EPC1: variants seen among roughly 807,000 people sequenced by gnomAD.
The protein encoded by EPC1 is enhancer of polycomb 1.
Under a neutral mutation model 98.4 loss-of-function variants are expected in EPC1, and 12 were observed. The observed-to-expected ratio is 0.12, with a 90% confidence interval of 0.08 to 0.20. EPC1 has a LOEUF of 0.20. Among genes scored for constraint, EPC1 ranks in the 10% least tolerant of loss-of-function variants. The pLI, the probability that EPC1 is intolerant of heterozygous loss-of-function variation, is 1.00. For missense variants in EPC1, 729 were observed against 990.5 expected, an observed-to-expected ratio of 0.74 and a Z score of 3.54; for synonymous variants, 357 against 363.9, an observed-to-expected ratio of 0.98 and a Z score of 0.21.
intron 1 of EPC1, among the ~76,000 whole-genome samples, chr10:32,353,947 A>G (rs929793680): frequency 6.6e-6 from 1 of 152,336 alleles, no homozygotes; most frequent in African/African-American, 2.4e-5. Context: ...AGCCCTTTAT[A>G]GTATGTTGTT....
chr10:32,268,992 C>T lies in EPC1; in HGVS notation c.*71G>A. 2 of 1,295,862 alleles carry T rather than the reference C, an allele frequency of 1.5e-6. No individual in the cohort carries two copies. The highest frequency in any genetic ancestry group is 2.2e-6 in the Non-Finnish European group (2 of 899,832). The allele number at this position is 1,295,862 out of a possible 1,614,324, so 80.3% of individuals were successfully genotyped here. A position where few individuals can be genotyped will look rare whatever the true frequency, so the allele number is the denominator to read the frequency against. On this transcript the variant is annotated 3_prime_UTR_variant, in exon 14 of 14. Transcript: ENST00000319778. ...ACGCATGTGCTGCTTTCCATCATCC[C>T]TTGCATTCAAAATGCTACTGATGCA... is the stretch of plus-strand genomic sequence containing the variant.
chr10:32,347,913 T>C (rs1213018708), upstream of EPC1, among the ~76,000 whole-genome samples: 1 of 152,268 alleles, frequency 6.6e-6, no homozygotes, highest in African/African-American at 2.4e-5. Context: ...AAGTAGATTT[T>C]TTTAAATCCT....
At chr10:32,335,303 G>A (rs1400949864) in intron 1 of EPC1, among the ~76,000 whole-genome samples, 1 of 152,024 alleles carries the variant, frequency 6.6e-6, no homozygotes, top group African/African-American at 2.4e-5. Flanking sequence ...CTCCTAATCT[G>A]TCCCAATCTT....
intron 13 of EPC1, 80 bp from the exon 14 acceptor site, chr10:32,269,215 T>C: frequency 8.3e-7 from 1 of 1,207,626 alleles, no homozygotes; most frequent in Non-Finnish European, 1.2e-6. Flanking sequence ...CAACAAAAAG[T>C]TTATTTTTAT....
intron 1 of EPC1, among the ~76,000 whole-genome samples, chr10:32,314,798 T>C (rs190817075): frequency 3.0e-4 from 46 of 152,374 alleles, no homozygotes; most frequent in African/African-American, 1.1e-3. Context: ...TAGGTTTTGC[T>C]AATGTGTCAT....
intron 1 of EPC1, among the ~76,000 whole-genome samples, chr10:32,309,462 C>T (rs1836071413): frequency 6.7e-6 from 1 of 149,554 alleles, no homozygotes; most frequent in Non-Finnish European, 1.5e-5. Flanking sequence ...TTTTAAAATA[C>T]ATTTCACTTG....
chr10:32,272,096 T>C lies in EPC1; in HGVS notation c.1935A>G (p.Gln645=). ...FAASALVTSE[Q]LMGFKMKDDV... is the part of the protein sequence containing the mutation. Reference sequence around the variant, plus strand: ...CATCCTTCATCTTGAATCCCATCAGTTGTTCTGATGTCACCAAAGCAGAAG... The same window carrying C: ...CATCCTTCATCTTGAATCCCATCAGCTGTTCTGATGTCACCAAAGCAGAAG... Residue 645 remains glutamine, a synonymous_variant, in exon 12 of 14, where the codon CAA becomes CAG. Coordinates refer to ENST00000319778, the MANE Select transcript of EPC1 (RefSeq NM_001272004.3). 6.2e-7 allele frequency: 1 copy of C among 1,613,988 alleles called. No homozygotes were observed. The highest frequency in any genetic ancestry group is 1.3e-5 in the African/African-American group (1 of 75,044).
chr10:32,300,397 C>G (rs532879246), intron 2 of EPC1, among the ~76,000 whole-genome samples: 9 of 151,484 alleles, frequency 5.9e-5, no homozygotes, highest in East Asian at 3.9e-4. Flanking sequence ...CTCCCGCCCC[C>G]GCTCCTGCAT....
At chr10:32,355,783 G>GT (rs1375476704) in intron 1 of EPC1, among the ~76,000 whole-genome samples, 14 of 152,082 alleles carry the variant, frequency 9.2e-5, no homozygotes, top group African/African-American at 3.1e-4. Context: ...GCTAATTTTT[G>GT]TATTTTTAGT....
intron 10 of EPC1, among the ~76,000 whole-genome samples, chr10:32,280,674 G>A (rs1223022102): frequency 2.0e-5 from 3 of 151,930 alleles, no homozygotes; most frequent in Non-Finnish European, 4.4e-5. Context: ...GGAGGTGGAG[G>A]TTGCAGTGAG....
chr10:32,378,437 T>A, intron 1 of EPC1: 4 of 1,464,736 alleles, frequency 2.7e-6, no homozygotes, highest in Non-Finnish European at 3.7e-6. Flanking sequence ...AAAATCCTTT[T>A]TAGCCGGTGG....
intron 1 of EPC1, among the ~76,000 whole-genome samples, chr10:32,375,872 T>C (rs1300082718): frequency 6.6e-6 from 1 of 152,022 alleles, no homozygotes; most frequent in Non-Finnish European, 1.5e-5. Context: ...CTGCTAAATT[T>C]AATAAATAAA....
chr10:32,343,600 C>T (rs1308454394), intron 1 of EPC1, among the ~76,000 whole-genome samples: 3 of 151,894 alleles, frequency 2.0e-5, no homozygotes, highest in African/African-American at 7.3e-5. Context: ...CAGTCAAATC[C>T]TTCAATTTAC....
chr10:32,282,906 C>T (rs180966126), intron 10 of EPC1: 2 of 152,154 alleles, frequency 1.3e-5, no homozygotes, highest in East Asian at 1.9e-4. Flanking sequence ...CTGTTAAAAC[C>T]TCTATACTAA....
chr10:32,340,365 G>A (rs1237993235), intron 1 of EPC1, among the ~76,000 whole-genome samples: 4 of 152,128 alleles, frequency 2.6e-5, no homozygotes, highest in African/African-American at 9.7e-5. Flanking sequence ...GTTGGTAGAT[G>A]GAATTCACTT....
At chr10:32,341,124 A>G (rs1838316019) in intron 1 of EPC1, among the ~76,000 whole-genome samples, 1 of 152,230 alleles carries the variant, frequency 6.6e-6, no homozygotes, top group South Asian at 2.1e-4. Context: ...AAGTACAATC[A>G]CAAATGATAC....
chr10:32,300,391 C>T (rs1382789172), intron 2 of EPC1, among the ~76,000 whole-genome samples: 2 of 151,070 alleles, frequency 1.3e-5, no homozygotes, highest in East Asian at 3.9e-4. Context: ...CTTTCCCTCC[C>T]GCCCCCGCTC....
At chr10:32,343,837 G>C (rs1191553115) in intron 1 of EPC1, among the ~76,000 whole-genome samples, 2 of 152,054 alleles carry the variant, frequency 1.3e-5, no homozygotes. Context: ...TAAAAGACCT[G>C]GATTTCTGTC....
intron 1 of EPC1, 30 bp from the exon 2 acceptor site, chr10:32,305,961 T>C (rs373170175): frequency 3.7e-5 from 59 of 1,577,320 alleles, no homozygotes; most frequent in African/African-American, 3.2e-4. Context: ...GGTAAGTTCA[T>C]GTATTTTTAA....
Sources: gnomAD v4.1 joint callset for allele counts (sites outside exome capture counted in the v4.1 genomes callset) on GRCh38, gnomAD v4.1.1 for gene constraint, MANE v1.5 for transcripts, NCBI Gene and HGNC (gene_info 2026-07-23, HGNC 2026-07-21) for gene names.